AK7: variants seen among roughly 807,000 people sequenced by gnomAD.
AK7 encodes adenylate kinase 7, also known as ATP-AMP transphosphorylase 7.
Under a neutral mutation model 96.6 loss-of-function variants are expected in AK7, and 78 were observed. The ratio of observed to expected loss-of-function variants is 0.81; its 90% CI spans 0.67 to 0.97. The LOEUF is 0.97. AK7 is among the 50% of genes least tolerant of loss of function. AK7 has a pLI of 0.00. For synonymous variants in AK7, 302 were observed against 317.2 expected, an observed-to-expected ratio of 0.95 and a Z score of 0.51; for missense variants, 855 against 887.9, an observed-to-expected ratio of 0.96 and a Z score of 0.47.
chr14:96,468,507 C>T (rs1894709257), intron 12 of AK7, among the ~76,000 whole-genome samples: 1 of 151,986 alleles, frequency 6.6e-6, no homozygotes, highest in South Asian at 2.1e-4. Context: ...CCGTGTTAGC[C>T]AGGATGGTCT....
At chr14:96,426,016 T>A (rs190098217) in intron 5 of AK7, among the ~76,000 whole-genome samples, 16 of 152,308 alleles carry the variant, frequency 1.1e-4, no homozygotes, top group Admixed American at 3.3e-4. Context: ...CATTCAATGT[T>A]ATTATTGGTA....
intron 2 of AK7, among the ~76,000 whole-genome samples, chr14:96,403,152 A>AAATAAATG (rs1211273525): frequency 4.1e-5 from 6 of 147,968 alleles, no homozygotes; most frequent in Non-Finnish European, 9.0e-5. Context: ...ATAAATAAAT[A>AAATAAATG]AATGGAGGTC....
chr14:96,409,916 T>C (rs994129256), intron 4 of AK7, among the ~76,000 whole-genome samples: 2 of 152,200 alleles, frequency 1.3e-5, no homozygotes, highest in African/African-American at 4.8e-5. Flanking sequence ...CTTGAAGTGA[T>C]AACAATAGCA....
Position 96,456,412 on chromosome 14 carries a change from C to T in AK7, c.1164C>T (p.Ala388=). Residue 388 remains alanine (A), a synonymous_variant, in exon 11 of 18, where the codon GCC becomes GCT. Coordinates refer to ENST00000267584, the MANE Select transcript of AK7 (RefSeq NM_152327.5). ...AATCCAGTATTGCTAAAGAATTGGC[C>T]AACTACTACAAACTGCATCACATCC... ...VGKSSIAKEL[A]NYYKLHHIQL... is the part of the protein sequence containing the mutation. 1 of 1,613,824 alleles carries T rather than the reference C, an allele frequency of 6.2e-7. No individual in the cohort carries two copies. The highest frequency in any genetic ancestry group is 1.3e-5 in the African/African-American group (1 of 74,994).
At chr14:96,462,351 G>A (rs1446073924) in intron 12 of AK7, among the ~76,000 whole-genome samples, 10 of 152,140 alleles carry the variant, frequency 6.6e-5, no homozygotes, top group Non-Finnish European at 1.3e-4. Context: ...TACCTGAGAC[G>A]AAAACATGGA....
intron 2 of AK7, among the ~76,000 whole-genome samples, chr14:96,401,674 C>T (rs1005054823): frequency 6.6e-6 from 1 of 152,064 alleles, no homozygotes; most frequent in Non-Finnish European, 1.5e-5. Flanking sequence ...AGAAGACCAG[C>T]AAAAAATGAA....
intron 16 of AK7, among the ~76,000 whole-genome samples, chr14:96,484,367 C>G (rs1895665606): frequency 6.6e-6 from 1 of 152,216 alleles, no homozygotes; most frequent in South Asian, 2.1e-4. Context: ...CCCAACTCCA[C>G]CCTGCTCCAT....
chr14:96,430,849 T>C (rs1170667602), intron 5 of AK7, among the ~76,000 whole-genome samples: 1 of 152,216 alleles, frequency 6.6e-6, no homozygotes, highest in East Asian at 1.9e-4. Context: ...GAAGGCATGG[T>C]ACCAGCTCCT....
At chr14:96,437,786 G>A (rs765489493) in intron 5 of AK7, 49 bp from the exon 6 acceptor site, 1 of 1,413,956 alleles carries the variant, frequency 7.1e-7, no homozygotes. Context: ...GGTTCAGTAT[G>A]ACTAATAATA....
rs528026042 is a variant in AK7, at chr14:96,465,405, A to G, written c.1358-6073A>G. ...GTGAACCCGGGAGGCGGAGCTTGCA[A>G]TGAGCCAAGATCATGCCACTGCACT... On this transcript the variant is annotated intron_variant, in intron 12 of 17. Transcript: ENST00000267584. Among the ~76,000 whole-genome samples, 346 of 151,964 alleles carry G rather than the reference A, an allele frequency of 2.3e-3. 4 individuals are homozygous for G. The Middle Eastern group carries it at 0.027, about 12-fold the overall frequency.
Position 96,488,557 on chromosome 14 carries a change from A to C in AK7, c.*214A>C, listed in dbSNP as rs1277588975. On this transcript the variant is annotated 3_prime_UTR_variant, in exon 18 of 18. Coordinates refer to ENST00000267584, the MANE Select transcript of AK7 (RefSeq NM_152327.5). ...TGTAAATTGATAAAGACATTTGTGC[A>C]TAGCTCATGAGACAAATACTGATTT... 6 of 482,018 alleles carry C rather than the reference A, an allele frequency of 1.2e-5. No individual in the cohort carries two copies. The highest frequency in any genetic ancestry group is 5.5e-4 in the Middle Eastern group (1 of 1,820). 29.9% of individuals were successfully genotyped at this position (482,018 alleles called of 1,614,324 possible).
In AK7 at chr14:96,488,920, AAACCTTTAG is replaced by A. The variant is rs1373165125; in HGVS notation, c.*578_*586del. 9 of 151,882 alleles carry A rather than the reference AAACCTTTAG, an allele frequency of 5.9e-5. No homozygotes were observed. The highest frequency in any genetic ancestry group is 2.2e-4 in the African/African-American group (9 of 41,306). 9.4% of individuals were successfully genotyped at this position (151,882 alleles called of 1,614,324 possible). On this transcript the variant is annotated 3_prime_UTR_variant, in exon 18 of 18. Transcript: ENST00000267584. ...CAGACAATGAATCGGAGAGAACTGT[AAACCTTTAG>A]GCGGAGAAATCTGCATAACAGGATA...
At position 96,427,056 on chromosome 14, in the gene AK7, G is replaced by C. The variant is rs147047690; in HGVS notation, c.609+6124G>C. 6.4e-3 allele frequency among the ~76,000 whole-genome samples: 976 copies of C among 152,244 alleles called. 14 individuals are homozygous for C. The highest frequency in any genetic ancestry group is 0.022 in the African/African-American group (926 of 41,558). ...AGGTTGGAAGTTTGAGACCTGCCTG[G>C]CCAACATGGAGAAACCCCGTCTCTA... On this transcript the variant is annotated intron_variant, in intron 5 of 17. Transcript: ENST00000267584.
chr14:96,430,733 CT>C (rs1227891223), intron 5 of AK7, among the ~76,000 whole-genome samples: 1 of 152,124 alleles, frequency 6.6e-6, no homozygotes, highest in African/African-American at 2.4e-5. Flanking sequence ...CTAAAATTCT[CT>C]TGTTTTTGTT....
chr14:96,488,215 G>A, intron 17 of AK7, 90 bp from the exon 18 acceptor site: 1 of 1,295,900 alleles, frequency 7.7e-7, no homozygotes, highest in East Asian at 2.4e-5. Context: ...GCTTGGCCCA[G>A]GATGATTTTT....
At chr14:96,398,638 T>C in intron 2 of AK7, 1 of 231,238 alleles carries the variant, frequency 4.3e-6, no homozygotes, top group Non-Finnish European at 8.6e-6. Flanking sequence ...TCCCAGCACT[T>C]TGGGAGGCTG....
At chr14:96,464,544 CAAAAAAAAAAAAAA>C (rs375649324) in intron 12 of AK7, among the ~76,000 whole-genome samples, 1 of 57,662 alleles carries the variant, frequency 1.7e-5, no homozygotes, top group Non-Finnish European at 2.9e-5. Context: ...GACCCTGTCC[CAAAAAAAAAAAAAA>C]AAAAAAAAAA....
intron 7 of AK7, among the ~76,000 whole-genome samples, chr14:96,444,501 A>G (rs1231557179): frequency 6.6e-6 from 1 of 152,164 alleles, no homozygotes; most frequent in African/African-American, 2.4e-5. Context: ...ACTGAAAATC[A>G]AAATGGAGTC....
chr14:96,487,190 A>G (rs1595474376), intron 17 of AK7, 134 bp downstream of exon 17: 1 of 840,784 alleles, frequency 1.2e-6, no homozygotes, highest in African/African-American at 1.7e-5. Flanking sequence ...CCCTGCCAAC[A>G]TAGTGAAACC....
Sources: gnomAD v4.1 joint callset for allele counts (sites outside exome capture counted in the v4.1 genomes callset) on GRCh38, gnomAD v4.1.1 for gene constraint, MANE v1.5 for transcripts, NCBI Gene and HGNC (gene_info 2026-07-23, HGNC 2026-07-21) for gene names.